PARD3B: variants seen among roughly 807,000 people sequenced by gnomAD.
PARD3B encodes par-3 family cell polarity regulator beta, also known as partitioning defective 3 homolog B.
A neutral mutation model predicts 130.2 loss-of-function variants in PARD3B; 103 were observed. The ratio of observed to expected loss-of-function variants is 0.79; its 90% confidence interval spans 0.67 to 0.93. The LOEUF is 0.93. Among genes scored for constraint, PARD3B ranks in the 40% least tolerant of loss-of-function variants. PARD3B has a pLI of 0.00. For missense variants in PARD3B, 1,609 were observed against 1,499.2 expected (o/e 1.07, Z -1.21); for synonymous variants, 583 against 553.2 (o/e 1.05, Z -0.76).
intron 2 of PARD3B, among the ~76,000 whole-genome samples, chr2:204,861,623 T>C (rs1164395068): frequency 6.6e-6 from 1 of 152,086 alleles, no homozygotes; most frequent in Non-Finnish European, 1.5e-5. Flanking sequence ...AAAATTACCA[T>C]CATAATGATT....
rs3077795 is a variant in PARD3B at position 205,497,427 on chromosome 2, A to ATTTTT, written c.3045-2453_3045-2449dup. 2.2e-3 allele frequency among the ~76,000 whole-genome samples: 266 copies of ATTTTT among 123,678 alleles called. 1 individual carries two copies. Among genetic ancestry groups the ATTTTT allele is most frequent in the Non-Finnish European group, 3.7e-3 (227 of 60,792 alleles). 81.1% of individuals were successfully genotyped at this position (123,678 alleles called of 152,430 possible). ...TTCCTCCAAAAGGTGTTTACTCACC[A>ATTTTT]TTTTTTTTTTTTTTTTTTTTGTAAT... On this transcript the variant is annotated intron_variant, in intron 20 of 22. Transcript: ENST00000406610.
intron 2 of PARD3B, among the ~76,000 whole-genome samples, chr2:204,872,548 T>A (rs974480729): frequency 2.0e-5 from 3 of 152,138 alleles, no homozygotes; most frequent in Non-Finnish European, 4.4e-5. Flanking sequence ...TTTCTTGACT[T>A]GTTATTCAGT....
At chr2:204,786,095 C>CA (rs1358751599) in intron 2 of PARD3B, among the ~76,000 whole-genome samples, 4 of 125,600 alleles carry the variant, frequency 3.2e-5, no homozygotes, top group African/African-American at 1.2e-4. Context: ...GCCCAGGTGA[C>CA]AGAGTGAGAC....
intron 2 of PARD3B, among the ~76,000 whole-genome samples, chr2:204,738,494 A>G (rs748928081): frequency 6.6e-6 from 1 of 152,194 alleles, no homozygotes; most frequent in Non-Finnish European, 1.5e-5. Context: ...TGCGTAATAA[A>G]TTACCACATA....
At chr2:205,140,352 C>A (rs1473930298) in intron 10 of PARD3B, among the ~76,000 whole-genome samples, 7 of 150,634 alleles carry the variant, frequency 4.6e-5, no homozygotes, top group Non-Finnish European at 7.4e-5. Flanking sequence ...TGAGAACAGG[C>A]ATTCTTGGAT....
At chr2:204,725,202 G>A (rs1425047197) in intron 2 of PARD3B, among the ~76,000 whole-genome samples, 1 of 152,162 alleles carries the variant, frequency 6.6e-6, no homozygotes, top group Non-Finnish European at 1.5e-5. Flanking sequence ...TAATCAGACA[G>A]TAGAGGGAAC....
At position 205,193,334 on chromosome 2, in the gene PARD3B, A is replaced by AG. The variant is rs893698636; in HGVS notation, c.2140+16dup. 2.6e-6 allele frequency: 4 copies of AG among 1,559,952 alleles called. No individual in the cohort carries two copies. Among genetic ancestry groups the AG allele is most frequent in the Non-Finnish European group, 3.5e-6 (4 of 1,130,866 alleles). ...GCATGGACCTTGGTAAGCAAGGGTG[A>AG]GGTGACATCCAGGTCAGCTCTCCAG... On this transcript the variant is annotated intron_variant, in intron 15 of 22. Transcript: ENST00000406610.
At chr2:205,504,131 A>G (rs113418050) in intron 21 of PARD3B, among the ~76,000 whole-genome samples, 6,135 of 152,326 alleles carry the variant, frequency 0.04, 207 homozygotes, top group South Asian at 0.14. Context: ...TAACAAAAAC[A>G]AGAAATGGGG....
In PARD3B at chr2:204,943,554, G is replaced by A. The variant is rs1689082482; in HGVS notation, c.223-21598G>A. Among the ~76,000 whole-genome samples, 1 of 152,182 alleles carries A rather than the reference G, an allele frequency of 6.6e-6. No individual in the cohort carries two copies. The highest frequency in any genetic ancestry group is 1.5e-5 in the Non-Finnish European group (1 of 68,046). On this transcript the variant is annotated intron_variant, in intron 2 of 22. Transcript: ENST00000406610. This position sits in a 1 kb window ranked among gnomAD's most constrained non-coding sequence, Gnocchi z 4.2. ...AGGATCCTGCAAATTGCTCGTAATG[G>A]AGGTAAATGGCTTGTGCCATGAGAA...
At chr2:205,516,507 C>T (rs1156434487) in intron 21 of PARD3B, among the ~76,000 whole-genome samples, 3 of 152,068 alleles carry the variant, frequency 2.0e-5, no homozygotes, top group South Asian at 2.1e-4. Context: ...AGCTGTATTT[C>T]TAGGTATTTT....
rs1302689354 is a variant in PARD3B at position 205,176,353 on chromosome 2, A to G, written c.1792-92A>G. On this transcript the variant is annotated intron_variant, in intron 12 of 22. Transcript: ENST00000406610. The surrounding 1 kb of genome is among the most constrained non-coding windows in gnomAD (Gnocchi z 5.3). ...AAGTGTAATAGACTCTTGAAAGACT[A>G]TTCATACAGCGATCATTCTTTCACT... The G allele has an allele frequency of 1.6e-6, 2 of 1,270,878 alleles. No individual in the cohort carries two copies. The highest frequency in any genetic ancestry group is 1.5e-5 in the African/African-American group (1 of 65,466). 78.7% of individuals were successfully genotyped at this position (1,270,878 alleles called of 1,614,324 possible).
intron 2 of PARD3B, among the ~76,000 whole-genome samples, chr2:204,900,853 A>T (rs773775236): frequency 6.6e-6 from 1 of 152,128 alleles, no homozygotes; most frequent in Non-Finnish European, 1.5e-5. Flanking sequence ...TAAAAGTAAC[A>T]CTGTGACTTT....
At chr2:204,815,223 G>C (rs546151084) in intron 2 of PARD3B, among the ~76,000 whole-genome samples, 21 of 151,992 alleles carry the variant, frequency 1.4e-4, no homozygotes, top group African/African-American at 4.8e-4. Flanking sequence ...GGATTATTCA[G>C]GTTAATGAGC....
intron 16 of PARD3B, among the ~76,000 whole-genome samples, chr2:205,256,240 T>G (rs2040078525): frequency 6.6e-6 from 1 of 152,232 alleles, no homozygotes; most frequent in Non-Finnish European, 1.5e-5. Flanking sequence ...ATTATTAATA[T>G]TCCCCAAATC....
chr2:204,606,397 T>C lies in PARD3B; in HGVS notation c.120+60278T>C, dbSNP rs2033726682. On this transcript the variant is annotated intron_variant, in intron 1 of 22. Transcript: ENST00000406610. This position sits in a 1 kb window ranked among gnomAD's most constrained non-coding sequence, Gnocchi z 4.0. ...TCCATGGTGAGTCAATAAGGGGATC[T>C]GTTGACTGTATCAGTCAGGGTCCCT... Among the ~76,000 whole-genome samples, 1 of 152,196 alleles carries C rather than the reference T, an allele frequency of 6.6e-6. No homozygotes were observed. Among genetic ancestry groups the C allele is most frequent in the Non-Finnish European group, 1.5e-5 (1 of 68,034 alleles).
chr2:205,536,758 A>G (rs1232490776), intron 21 of PARD3B, among the ~76,000 whole-genome samples: 1 of 152,144 alleles, frequency 6.6e-6, no homozygotes, highest in Non-Finnish European at 1.5e-5. Flanking sequence ...CCAAAACCCA[A>G]TTACAAGATG....
At chr2:205,429,071 T>C (rs908711495) in intron 19 of PARD3B, among the ~76,000 whole-genome samples, 8 of 152,304 alleles carry the variant, frequency 5.3e-5, no homozygotes, top group South Asian at 2.1e-4. Flanking sequence ...TACAATGCAG[T>C]CTCTTGACTA....
intron 2 of PARD3B, among the ~76,000 whole-genome samples, chr2:204,818,675 A>G (rs1005114542): frequency 6.6e-6 from 1 of 152,236 alleles, no homozygotes; most frequent in Non-Finnish European, 1.5e-5. Flanking sequence ...GTGCCATCCA[A>G]TTATAACTTG....
At chr2:204,829,985 C>T (rs1057063287) in intron 2 of PARD3B, among the ~76,000 whole-genome samples, 4 of 118,008 alleles carry the variant, frequency 3.4e-5, no homozygotes, top group Non-Finnish European at 4.8e-5. Context: ...GGCGACAGAG[C>T]GAGACTCCGT....
Sources: gnomAD v4.1 joint callset for allele counts (sites outside exome capture counted in the v4.1 genomes callset) on GRCh38, gnomAD v4.1.1 for gene constraint, Gnocchi (gnomAD v3.1) non-coding constraint, MANE v1.5 for transcripts, NCBI Gene and HGNC (gene_info 2026-07-23, HGNC 2026-07-21) for gene names.